CLMP: variants seen among roughly 807,000 people sequenced by gnomAD.
CLMP encodes CXADR-like membrane protein.
A neutral mutation model predicts 45.2 loss-of-function variants in CLMP; 27 were observed. That is an observed-to-expected ratio of 0.60 (90% CI 0.44 to 0.82). The LOEUF is 0.82. Ranked by LOEUF, CLMP falls within the 40% of genes least tolerant of loss-of-function variation. The pLI, the probability that CLMP is intolerant of heterozygous loss-of-function variation, is 0.00. For synonymous variants in CLMP, 167 were observed against 171.4 expected (o/e 0.97, Z 0.20); for missense variants, 403 against 448.4 (o/e 0.90, Z 0.91).
intron 5 of CLMP, among the ~76,000 whole-genome samples, chr11:123,082,799 G>T (rs551946631): frequency 4.5e-4 from 69 of 151,896 alleles, no homozygotes; most frequent in Admixed American, 4.5e-3. Context: ...TAGAAACGGG[G>T]TTTCACCATG....
At chr11:123,115,715 C>T (rs866659796) in intron 1 of CLMP, among the ~76,000 whole-genome samples, 9 of 152,234 alleles carry the variant, frequency 5.9e-5, no homozygotes, top group Middle Eastern at 3.4e-3. Flanking sequence ...GTGCTTGTTA[C>T]TTGGGTGTGA....
In CLMP at chr11:123,070,076, C is replaced by G. The variant is rs571018122; in HGVS notation, c.*3398G>C. On this transcript the variant is annotated 3_prime_UTR_variant, in exon 7 of 7. Transcript: ENST00000448775. The stretch of plus-strand genomic sequence containing the variant: ...GCAGTTCCGAAATTGTTTTTATACA[C>G]TGTAACAACAAAGGTACCAACTTCC... 1 of 152,304 alleles carries G rather than the reference C, an allele frequency of 6.6e-6. No homozygotes were observed. The highest frequency in any genetic ancestry group is 2.1e-4 in the South Asian group (1 of 4,832). The allele number at this position is 152,304 out of a possible 1,614,324, so 9.4% of individuals were successfully genotyped here. A position where few individuals can be genotyped will look rare whatever the true frequency, so the allele number is the denominator to read the frequency against.
At position 123,195,011 on chromosome 11, in the gene CLMP, C is replaced by T; in HGVS notation, c.-71G>A. 3 of 1,525,848 alleles carry T rather than the reference C, an allele frequency of 2.0e-6. No homozygotes were observed. The highest frequency in any genetic ancestry group is 2.4e-5 in the South Asian group (2 of 83,874). 94.5% of individuals were successfully genotyped at this position (1,525,848 alleles called of 1,614,324 possible). A position where few individuals can be genotyped will look rare whatever the true frequency, so the allele number is the denominator to read the frequency against. ...CTCCGGGGCGGCCGGGCGCCTCCGA[C>T]GGACCTCGGGCGAGCTGGGCGCGGC... On this transcript the variant is annotated 5_prime_UTR_variant, in exon 1 of 7. Coordinates refer to ENST00000448775, the MANE Select transcript of CLMP (RefSeq NM_024769.5).
intron 5 of CLMP, among the ~76,000 whole-genome samples, chr11:123,077,780 T>C (rs1339646348): frequency 6.6e-6 from 1 of 152,228 alleles, no homozygotes; most frequent in Non-Finnish European, 1.5e-5. Context: ...TGTCTGTTAA[T>C]GGAAATTTAG....
At chr11:123,081,233 A>G (rs180866493) in intron 5 of CLMP, among the ~76,000 whole-genome samples, 4 of 152,314 alleles carry the variant, frequency 2.6e-5, no homozygotes, top group Admixed American at 2.6e-4. Flanking sequence ...TGGTCCAAAG[A>G]GCATTTGAGA....
intron 1 of CLMP, among the ~76,000 whole-genome samples, chr11:123,180,423 G>A (rs370029440): frequency 1.6e-4 from 25 of 152,016 alleles, no homozygotes; most frequent in Non-Finnish European, 3.4e-4. Flanking sequence ...CTTCCACCAC[G>A]TGGCTCTCTA....
At chr11:123,089,540 C>T (rs564074626) in intron 2 of CLMP, among the ~76,000 whole-genome samples, 27 of 151,692 alleles carry the variant, frequency 1.8e-4, no homozygotes, top group Non-Finnish European at 3.5e-4. Context: ...CCGAGGCGGG[C>T]GGATCACAAG....
chr11:123,109,016 G>A (rs1015975660), intron 1 of CLMP, among the ~76,000 whole-genome samples: 4 of 139,126 alleles, frequency 2.9e-5, no homozygotes, highest in African/African-American at 8.2e-5. Context: ...CCAAGATCAC[G>A]CCATTGTACT....
rs1565397589 is a variant in CLMP at position 123,150,517 on chromosome 11, A to AAGGT, written c.28+44395_28+44396insACCT. On this transcript the variant is annotated intron_variant, in intron 1 of 6. Coordinates refer to ENST00000448775, the MANE Select transcript of CLMP (RefSeq NM_024769.5). ...GAAGGAAGGAAGGAAGGAAGGAAGG[A>AAGGT]AGGAAGGAAGGAAAGAAACAAGCAA... Among the ~76,000 whole-genome samples the AAGGT allele has an allele frequency of 5.2e-3, 668 of 128,334 alleles. 20 individuals carry two copies. The highest frequency in any genetic ancestry group is 0.02 in the African/African-American group (615 of 30,508). 84.2% of individuals were successfully genotyped at this position (128,334 alleles called of 152,430 possible).
chr11:123,154,919 T>C (rs374407374), intron 1 of CLMP, among the ~76,000 whole-genome samples: 13 of 152,316 alleles, frequency 8.5e-5, no homozygotes, highest in African/African-American at 2.4e-4. Flanking sequence ...ATGGGGCTCA[T>C]TGGGAGGAAA....
chr11:123,162,241 A>T (rs999163742), intron 1 of CLMP, among the ~76,000 whole-genome samples: 3 of 152,202 alleles, frequency 2.0e-5, no homozygotes, highest in African/African-American at 7.2e-5. Context: ...CCGAGGCAGG[A>T]GAAAGTGGGA....
chr11:123,089,864 C>T (rs1433834737), intron 2 of CLMP, among the ~76,000 whole-genome samples: 1 of 151,346 alleles, frequency 6.6e-6, no homozygotes, highest in African/African-American at 2.4e-5. Flanking sequence ...TTTTGGGAGA[C>T]CAAGGCGGGC....
chr11:123,125,904 C>A (rs1860887737), intron 1 of CLMP, among the ~76,000 whole-genome samples: 1 of 152,118 alleles, frequency 6.6e-6, no homozygotes, highest in Non-Finnish European at 1.5e-5. Context: ...CTGCGCCCAG[C>A]CCACTCTCTT....
rs575400759 is a variant in CLMP at position 123,106,446 on chromosome 11, C to T, written c.29-8494G>A. On this transcript the variant is annotated intron_variant, in intron 1 of 6. Transcript: ENST00000448775. ...GTGTGCGCGCGCGCGCGCGCACGTGCCTGCCTTCCAGATTGTTTATGGAAC... is the reference window on the plus strand; with the variant it reads ...GTGTGCGCGCGCGCGCGCGCACGTGTCTGCCTTCCAGATTGTTTATGGAAC... Among the ~76,000 whole-genome samples the T allele has an allele frequency of 3.4e-3, 500 of 146,786 alleles. 3 individuals are homozygous for T. Among genetic ancestry groups the T allele is most frequent in the African/African-American group, 0.012 (475 of 39,720 alleles).
Position 123,074,714 on chromosome 11 carries a change from G to A in CLMP, c.809C>T (p.Pro270Leu). 6.2e-7 allele frequency: 1 copy of A among 1,614,028 alleles called. No homozygotes were observed. Among genetic ancestry groups the A allele is most frequent in the East Asian group, 2.2e-5 (1 of 44,880 alleles). ...DKERYEEEER[P>L]NEIREDAEAP... ...GTGGGAGGTTTACCGAATTTCATTA[G>A]GTCTCTCTTCTTCCTCATATCTTTC... Residue 270 changes from proline to leucine, a missense_variant, in exon 6 of 7, where the codon CCT (proline) becomes CTT (leucine). Transcript: ENST00000448775.
intron 2 of CLMP, among the ~76,000 whole-genome samples, chr11:123,089,770 C>A (rs1421140404): frequency 8.2e-6 from 1 of 121,830 alleles, no homozygotes; most frequent in African/African-American, 3.5e-5. Flanking sequence ...GAGCGAGTCT[C>A]CATCTCAAAA....
chr11:123,073,423 G>T lies in CLMP; in HGVS notation c.*51C>A. On this transcript the variant is annotated 3_prime_UTR_variant, in exon 7 of 7. Coordinates refer to ENST00000448775, the MANE Select transcript of CLMP (RefSeq NM_024769.5). Reference sequence around the variant, plus strand: ...GACTTGAGCTCCAATGACGAGAAGAGTCCAAAGACCCTGACTCCTAGGAAA... The same window carrying T: ...GACTTGAGCTCCAATGACGAGAAGATTCCAAAGACCCTGACTCCTAGGAAA... 6.5e-7 allele frequency: 1 copy of T among 1,546,480 alleles called. No individual in the cohort carries two copies. Among genetic ancestry groups the T allele is most frequent in the Non-Finnish European group, 8.7e-7 (1 of 1,145,794 alleles).
chr11:123,191,848 T>C (rs1861911937), intron 1 of CLMP, among the ~76,000 whole-genome samples: 1 of 152,228 alleles, frequency 6.6e-6, no homozygotes, highest in South Asian at 2.1e-4. Flanking sequence ...TGAGACACTG[T>C]CCCTGCCTTC....
rs148948828 is a variant in CLMP, at chr11:123,084,044, G to A, written c.389-197C>T. On this transcript the variant is annotated intron_variant, in intron 3 of 6. Coordinates refer to ENST00000448775, the MANE Select transcript of CLMP (RefSeq NM_024769.5). ...CTCCATCCCCTAAGCACACATACCC[G>A]CAACTCCAGTGGTGCTGTTTTAATT... 2.4e-4 allele frequency among the ~76,000 whole-genome samples: 36 copies of A among 152,236 alleles called. No individual in the cohort carries two copies. In the East Asian group the frequency reaches 4.6e-3, roughly 20 times the overall value.
Sources: gnomAD v4.1 joint callset for allele counts (sites outside exome capture counted in the v4.1 genomes callset) on GRCh38, gnomAD v4.1.1 for gene constraint, MANE v1.5 for transcripts, NCBI Gene and HGNC (gene_info 2026-07-23, HGNC 2026-07-21) for gene names.